The following VAV3 variants were observed in gnomAD, a reference collection of about 807,000 sequenced individuals.
The protein encoded by VAV3 is vav guanine nucleotide exchange factor 3.
Under a neutral mutation model 131.2 loss-of-function variants are expected in VAV3, and 94 were observed. The observed-to-expected ratio is 0.72, with a 90% CI of 0.61 to 0.85. The LOEUF is 0.85. Among genes scored for constraint, VAV3 ranks in the 40% least tolerant of loss-of-function variants. VAV3 has a pLI of 0.00. For missense variants in VAV3, 939 were observed against 1,002.7 expected (o/e 0.94, Z 0.86); for synonymous variants, 349 against 342.0 (o/e 1.02, Z -0.22).
chr1:107,832,965 T>C (rs1668316623), intron 2 of VAV3, among the ~76,000 whole-genome samples: 1 of 152,184 alleles, frequency 6.6e-6, no homozygotes, highest in Non-Finnish European at 1.5e-5. Context: ...TTTTAAAAAG[T>C]TTGATATAAC....
Position 107,657,075 on chromosome 1 carries a change from CTCCGAAGT to C in VAV3, c.1778-14328_1778-14321del, listed in dbSNP as rs1411081018. The stretch of plus-strand genomic sequence containing the variant: ...TTCAAAGCAATTGTCCTGTCTCAGC[CTCCGAAGT>C]AGCTGGGATTACGGGCATGCACCAC... On this transcript the variant is annotated intron_variant, in intron 19 of 26. Coordinates refer to ENST00000370056, the MANE Select transcript of VAV3 (RefSeq NM_006113.5). Among the ~76,000 whole-genome samples the C allele has an allele frequency of 2.0e-5, 3 of 151,742 alleles. No homozygotes were observed. In the East Asian group the frequency reaches 5.9e-4, roughly 30 times the overall value.
At chr1:107,625,549 G>A (rs953506689) in intron 20 of VAV3, among the ~76,000 whole-genome samples, 1 of 152,150 alleles carries the variant, frequency 6.6e-6, no homozygotes, top group Non-Finnish European at 1.5e-5. Flanking sequence ...TTACAGGCAT[G>A]AGCCACTGTG....
intron 2 of VAV3, among the ~76,000 whole-genome samples, chr1:107,801,472 C>T (rs1666824729): frequency 6.6e-6 from 1 of 152,044 alleles, no homozygotes; most frequent in Non-Finnish European, 1.5e-5. Flanking sequence ...ATATTTGAGT[C>T]CTTGTGGATG....
At chr1:107,735,922 C>G (rs1379501147) in intron 15 of VAV3, among the ~76,000 whole-genome samples, 1 of 151,986 alleles carries the variant, frequency 6.6e-6, no homozygotes, top group African/African-American at 2.4e-5. Context: ...AATTTTAGAC[C>G]AATATCCCTG....
chr1:107,685,690 A>G (rs938594077), intron 18 of VAV3: 3 of 152,172 alleles, frequency 2.0e-5, no homozygotes, highest in Admixed American at 6.5e-5. Flanking sequence ...TGGAGAGGCT[A>G]AGATTTTTTT....
At chr1:107,857,809 T>C (rs767872835) in intron 2 of VAV3, among the ~76,000 whole-genome samples, 2 of 152,210 alleles carry the variant, frequency 1.3e-5, no homozygotes, top group African/African-American at 4.8e-5. Context: ...CTCTTAAAGG[T>C]TGAATGAAGA....
intron 24 of VAV3, among the ~76,000 whole-genome samples, chr1:107,596,588 G>GAGAA (rs1462198800): frequency 6.6e-6 from 1 of 152,066 alleles, no homozygotes; most frequent in African/African-American, 2.4e-5. Context: ...TTCACAGATG[G>GAGAA]AGAACATCCT....
At chr1:107,793,523 T>C (rs1009397286) in intron 2 of VAV3, among the ~76,000 whole-genome samples, 1 of 152,128 alleles carries the variant, frequency 6.6e-6, no homozygotes, top group African/African-American at 2.4e-5. Context: ...GACCACCACA[T>C]GGCACACAGA....
chr1:107,593,161 G>A (rs1216989211), intron 25 of VAV3, among the ~76,000 whole-genome samples: 2 of 152,030 alleles, frequency 1.3e-5, no homozygotes, highest in African/African-American at 2.4e-5. Context: ...TATGCTCCTT[G>A]CCCAATACTT....
Position 107,617,647 on chromosome 1 carries a change from A to T in VAV3, c.1915-15T>A. The stretch of plus-strand genomic sequence containing the variant: ...AAATTTCTGCCCTAAGGAAAAAAAA[A>T]AAATGCCAGTGTTGAGAACAAATTT... On this transcript the variant is annotated splice_polypyrimidine_tract_variant and intron_variant, in intron 20 of 26. Transcript: ENST00000370056. 1 of 1,611,992 alleles carries T rather than the reference A, an allele frequency of 6.2e-7. No individual in the cohort carries two copies. Among genetic ancestry groups the T allele is most frequent in the Non-Finnish European group, 8.5e-7 (1 of 1,179,094 alleles).
chr1:107,598,526 T>G (rs1036755394), intron 24 of VAV3, among the ~76,000 whole-genome samples: 1 of 152,224 alleles, frequency 6.6e-6, no homozygotes, highest in African/African-American at 2.4e-5. Flanking sequence ...TATGTATTTC[T>G]TCCTTTCTTC....
chr1:107,633,640 A>AGCTTCATCCT (rs1654681335), intron 20 of VAV3, among the ~76,000 whole-genome samples: 1 of 152,086 alleles, frequency 6.6e-6, no homozygotes, highest in Non-Finnish European at 1.5e-5. Flanking sequence ...TGGGCTGGCC[A>AGCTTCATCCT]TGTCTTGCTT....
chr1:107,765,203 C>G, intron 8 of VAV3, 28 bp from the exon 9 acceptor site: 1 of 1,567,456 alleles, frequency 6.4e-7, no homozygotes, highest in Non-Finnish European at 8.8e-7. Context: ...CAAGAAATCT[C>G]TAAGACAAAA....
rs527777399 is a variant in VAV3, at chr1:107,765,395, A to T, written c.822-220T>A. On this transcript the variant is annotated intron_variant, in intron 8 of 26. Coordinates refer to ENST00000370056, the MANE Select transcript of VAV3 (RefSeq NM_006113.5). ...GTAGTTCCAACTTTGAATGAGATTAATTCTATGTAAATTTTTATAGCAGGC... is the reference window on the plus strand; with the variant it reads ...GTAGTTCCAACTTTGAATGAGATTATTTCTATGTAAATTTTTATAGCAGGC... Among the ~76,000 whole-genome samples the T allele has an allele frequency of 1.2e-4, 18 of 152,348 alleles. No homozygotes were observed. The East Asian group carries it at 2.5e-3, about 21-fold the overall frequency.
chr1:107,800,193 T>C (rs1428745231), intron 2 of VAV3, among the ~76,000 whole-genome samples: 2 of 152,200 alleles, frequency 1.3e-5, no homozygotes, highest in Non-Finnish European at 2.9e-5. Context: ...TTATTTCCAC[T>C]ATTTTGGATA....
chr1:107,893,571 C>T (rs1267095610), intron 1 of VAV3, among the ~76,000 whole-genome samples: 1 of 151,904 alleles, frequency 6.6e-6, no homozygotes, highest in Non-Finnish European at 1.5e-5. Context: ...TGGATGGCAG[C>T]AGGCAAAAAA....
intron 1 of VAV3, among the ~76,000 whole-genome samples, chr1:107,885,651 CT>C (rs1452585147): frequency 6.6e-6 from 1 of 152,064 alleles, no homozygotes; most frequent in African/African-American, 2.4e-5. Context: ...CTGCCCTTGA[CT>C]TGTAACAGTA....
At chr1:107,796,326 C>T (rs1464166804) in intron 2 of VAV3, among the ~76,000 whole-genome samples, 1 of 152,158 alleles carries the variant, frequency 6.6e-6, no homozygotes, top group Non-Finnish European at 1.5e-5. Context: ...CCCAACCAAG[C>T]TGCCCGGCTT....
chr1:107,841,876 T>C (rs952300821), intron 2 of VAV3, among the ~76,000 whole-genome samples: 2 of 152,172 alleles, frequency 1.3e-5, no homozygotes, highest in Non-Finnish European at 2.9e-5. Flanking sequence ...CATGTTTAAA[T>C]GATAATTGGG....
Sources: allele counts gnomAD v4.1 joint callset (sites outside exome capture counted in the v4.1 genomes callset), GRCh38; gene constraint gnomAD v4.1.1; transcripts MANE v1.5; gene names NCBI Gene and HGNC (gene_info 2026-07-23, HGNC 2026-07-21).